BEND6: variants seen among roughly 807,000 people sequenced by gnomAD.
BEND6 encodes the protein BEN domain-containing protein 6.
Under a neutral mutation model 31.8 loss-of-function variants are expected in BEND6, and 24 were observed. The observed-to-expected ratio is 0.75, with a 90% confidence interval of 0.55 to 1.06. The LOEUF (loss-of-function observed/expected upper bound fraction) is 1.06. Ranked by LOEUF, BEND6 falls within the 50% of genes least tolerant of loss-of-function variation. The pLI, the probability that BEND6 is intolerant of heterozygous loss-of-function variation, is 0.00. For missense variants in BEND6, 294 were observed against 327.4 expected, an observed-to-expected ratio of 0.90 and a Z score of 0.79; for synonymous variants, 109 against 114.6, an observed-to-expected ratio of 0.95 and a Z score of 0.31.
rs111989429 is a variant in BEND6 at position 57,015,528 on chromosome 6, T to C, written c.519+175T>C. ...AGAAGAGGCATAAGGTGGCCAGGTG[T>C]GGTGGCTCACCCCTGTAATCCCAGC... On this transcript the variant is annotated intron_variant, in intron 4 of 6. Coordinates refer to ENST00000370746, the MANE Select transcript of BEND6 (RefSeq NM_152731.3). 9.0e-3 allele frequency among the ~76,000 whole-genome samples: 1,370 copies of C among 151,550 alleles called. 18 individuals are homozygous for C. Among genetic ancestry groups the C allele is most frequent in the African/African-American group, 0.029 (1,182 of 41,290 alleles).
At chr6:57,023,360 CTTA>C (rs1441233044) in intron 6 of BEND6, among the ~76,000 whole-genome samples, 2 of 152,140 alleles carry the variant, frequency 1.3e-5, no homozygotes, top group Non-Finnish European at 2.9e-5. Flanking sequence ...AAATGACTTC[CTTA>C]TTATTATAAG....
chr6:57,014,538 T>G (rs563573311), intron 3 of BEND6: 2 of 1,498,480 alleles, frequency 1.3e-6, no homozygotes, highest in South Asian at 2.6e-5. Context: ...AAGTTTCCAT[T>G]TGAAAAAAGG....
At chr6:56,997,286 G>A (rs1826755753) in intron 3 of BEND6, among the ~76,000 whole-genome samples, 2 of 151,930 alleles carry the variant, frequency 1.3e-5, no homozygotes, top group South Asian at 2.1e-4. Context: ...CATCTTTTCC[G>A]TGACCTTCCT....
At chr6:56,995,129 C>G (rs1376590966) in intron 3 of BEND6, among the ~76,000 whole-genome samples, 3 of 151,906 alleles carry the variant, frequency 2.0e-5, no homozygotes, top group African/African-American at 7.3e-5. Flanking sequence ...GTATATTGCT[C>G]CAGAGATTCT....
At chr6:56,994,406 C>A (rs567491326) in intron 3 of BEND6, among the ~76,000 whole-genome samples, 1 of 123,836 alleles carries the variant, frequency 8.1e-6, no homozygotes, top group African/African-American at 3.1e-5. Flanking sequence ...TGCAGTGAGC[C>A]GAGATCGTGC....
At chr6:57,019,750 A>G (rs2127894009) in intron 6 of BEND6, among the ~76,000 whole-genome samples, 1 of 152,348 alleles carries the variant, frequency 6.6e-6, no homozygotes, top group Non-Finnish European at 1.5e-5. Context: ...TAACAACTGC[A>G]GTGAAATTCT....
chr6:56,993,251 G>A (rs2127864379), intron 3 of BEND6, among the ~76,000 whole-genome samples: 1 of 152,276 alleles, frequency 6.6e-6, no homozygotes, highest in South Asian at 2.1e-4. Flanking sequence ...TTGTAGTTAA[G>A]CACTATATAT....
intron 5 of BEND6, among the ~76,000 whole-genome samples, chr6:57,017,717 T>C (rs1056359916): frequency 1.3e-5 from 2 of 152,220 alleles, no homozygotes; most frequent in African/African-American, 4.8e-5. Context: ...GCTTTTGTTA[T>C]ATGTCTTATC....
intron 1 of BEND6, among the ~76,000 whole-genome samples, chr6:56,966,521 T>G (rs901621944): frequency 1.3e-5 from 2 of 152,196 alleles, no homozygotes; most frequent in Non-Finnish European, 2.9e-5. Context: ...TTAGAGTCCC[T>G]CTGAATTTTG....
intron 1 of BEND6, among the ~76,000 whole-genome samples, chr6:56,964,318 C>A (rs1825392212): frequency 6.6e-6 from 1 of 152,136 alleles, no homozygotes; most frequent in Non-Finnish European, 1.5e-5. Context: ...GAGTATCTCA[C>A]TAAGCTTTCT....
chr6:57,026,938 C>T lies in BEND6; in HGVS notation c.*866C>T, dbSNP rs972776052. 2 of 152,016 alleles carry T rather than the reference C, an allele frequency of 1.3e-5. No individual in the cohort carries two copies. The highest frequency in any genetic ancestry group is 2.9e-5 in the Non-Finnish European group (2 of 68,016). 9.4% of individuals were successfully genotyped at this position (152,016 alleles called of 1,614,324 possible). ...AGATATAACATGATAGATAGTTGGT[C>T]GATTACATTGCTATACTGCTTAGTT... On this transcript the variant is annotated 3_prime_UTR_variant, in exon 7 of 7. Coordinates refer to ENST00000370746, the MANE Select transcript of BEND6 (RefSeq NM_152731.3).
At chr6:56,960,721 C>A (rs893266159) in intron 1 of BEND6, among the ~76,000 whole-genome samples, 2 of 152,086 alleles carry the variant, frequency 1.3e-5, no homozygotes, top group African/African-American at 4.8e-5. Context: ...CCAAGGAGAG[C>A]AGAAAATTGT....
In BEND6 at chr6:57,026,614, C is replaced by A. The variant is rs1443625625; in HGVS notation, c.*542C>A. 5.9e-5 allele frequency: 9 copies of A among 152,062 alleles called. No homozygotes were observed. The highest frequency in any genetic ancestry group is 5.9e-4 in the Admixed American group (9 of 15,270). 9.4% of individuals were successfully genotyped at this position (152,062 alleles called of 1,614,324 possible). On this transcript the variant is annotated 3_prime_UTR_variant, in exon 7 of 7. Transcript: ENST00000370746. ...CCCAAAATCTGATAATCATGTCTAA[C>A]CAAGTAATAATGTTTTAGCAATAAA...
intron 3 of BEND6, among the ~76,000 whole-genome samples, chr6:57,002,122 T>G (rs1487013982): frequency 1.3e-5 from 2 of 152,174 alleles, no homozygotes; most frequent in African/African-American, 4.8e-5. Flanking sequence ...AAGTGGAGCA[T>G]TACATAATGA....
intron 6 of BEND6, among the ~76,000 whole-genome samples, chr6:57,024,986 T>A (rs1364207511): frequency 6.6e-6 from 1 of 152,226 alleles, no homozygotes; most frequent in Admixed American, 6.5e-5. Flanking sequence ...CTTAATCCAT[T>A]CTGCTGTTGA....
At chr6:56,994,355 G>A (rs915462244) in intron 3 of BEND6, among the ~76,000 whole-genome samples, 1 of 148,592 alleles carries the variant, frequency 6.7e-6, no homozygotes, top group Non-Finnish European at 1.5e-5. Flanking sequence ...GCTACTGGAA[G>A]GCTGAGGCAG....
intron 1 of BEND6, among the ~76,000 whole-genome samples, chr6:56,978,152 G>T (rs1017243125): frequency 4.6e-5 from 7 of 151,638 alleles, no homozygotes; most frequent in African/African-American, 1.7e-4. Context: ...GTGTCATGGT[G>T]CATGCCTGTA....
At chr6:56,987,998 T>G (rs1826344345) in intron 2 of BEND6, among the ~76,000 whole-genome samples, 1 of 151,046 alleles carries the variant, frequency 6.6e-6, no homozygotes, top group South Asian at 2.1e-4. Flanking sequence ...TAAATGTGAA[T>G]GCTTTTTTCC....
rs116734189 is a variant in BEND6, at chr6:56,966,742, C to T, written c.-101+11282C>T. Among the ~76,000 whole-genome samples the T allele has an allele frequency of 2.9e-3, 442 of 152,150 alleles. 2 individuals carry two copies. The highest frequency in any genetic ancestry group is 9.8e-3 in the African/African-American group (405 of 41,508). The stretch of plus-strand genomic sequence containing the variant: ...TAAGCCAGCCACACTGTTTAATTTC[C>T]GAAAAGACAAAGGCTGGGTCATTTA... On this transcript the variant is annotated intron_variant, in intron 1 of 6. Transcript: ENST00000370746.
Sources: allele counts gnomAD v4.1 joint callset (sites outside exome capture counted in the v4.1 genomes callset), GRCh38; gene constraint gnomAD v4.1.1; transcripts MANE v1.5; gene names NCBI Gene and HGNC (gene_info 2026-07-23, HGNC 2026-07-21).